Variants in PRKCE observed in about 807,000 individuals in gnomAD.
PRKCE encodes the protein protein kinase C epsilon type.
Under a neutral mutation model 85.4 loss-of-function variants are expected in PRKCE, and 16 were observed. That is an observed-to-expected ratio of 0.19 (90% CI 0.13 to 0.28). PRKCE has a LOEUF of 0.28. PRKCE is among the 10% of genes least tolerant of loss of function. PRKCE has a pLI of 1.00. For synonymous variants in PRKCE, 388 were observed against 371.5 expected (o/e 1.04, Z -0.51); for missense variants, 573 against 975.2 (o/e 0.59, Z 5.49).
chr2:45,694,744 C>G (rs190122263), intron 1 of PRKCE, among the ~76,000 whole-genome samples: 251 of 152,260 alleles, frequency 1.6e-3, no homozygotes, highest in African/African-American at 5.5e-3. Context: ...GGCCAATATG[C>G]TGGAAGCAAT....
intron 1 of PRKCE, among the ~76,000 whole-genome samples, chr2:45,835,568 ATGT>A (rs1690789997): frequency 6.7e-6 from 1 of 150,102 alleles, no homozygotes; most frequent in Non-Finnish European, 1.5e-5. Flanking sequence ...CATAGCATCC[ATGT>A]TGTTGCATGT....
chr2:46,145,294 C>T lies in PRKCE; in HGVS notation c.1731+63C>T. ...CCAGGACCGAGGCAGGGGTCCAAAC[C>T]CATGCACTGGGGTCATCTAGTGGTG... On this transcript the variant is annotated intron_variant, in intron 12 of 14. Coordinates refer to ENST00000306156, the MANE Select transcript of PRKCE (RefSeq NM_005400.3). The surrounding 1 kb of genome is among the most constrained non-coding windows in gnomAD (Gnocchi z 4.6). The T allele has an allele frequency of 6.3e-7, 1 of 1,580,800 alleles. No individual in the cohort carries two copies. Among genetic ancestry groups the T allele is most frequent in the Non-Finnish European group, 8.6e-7 (1 of 1,165,012 alleles).
intron 10 of PRKCE, among the ~76,000 whole-genome samples, chr2:46,043,389 G>A (rs910198691): frequency 1.9e-4 from 29 of 152,286 alleles, no homozygotes; most frequent in African/African-American, 6.5e-4. Context: ...AAGGGGAAGA[G>A]TCACACATAC....
At chr2:45,704,610 C>CCT (rs769511625) in intron 1 of PRKCE, among the ~76,000 whole-genome samples, 10 of 152,208 alleles carry the variant, frequency 6.6e-5, no homozygotes, top group Non-Finnish European at 1.2e-4. Context: ...CTGGGTCCCT[C>CCT]CTCTACCTCA....
intron 2 of PRKCE, among the ~76,000 whole-genome samples, chr2:45,958,197 A>C (rs1369192626): frequency 5.4e-5 from 8 of 149,124 alleles, no homozygotes; most frequent in Non-Finnish European, 7.4e-5. Context: ...CCGCAAAAAA[A>C]AAAAAAAAAA....
Position 46,086,896 on chromosome 2 carries a change from G to C in PRKCE, c.1592+534G>C, listed in dbSNP as rs866037750. 2.0e-4 allele frequency among the ~76,000 whole-genome samples: 30 copies of C among 152,226 alleles called. No individual in the cohort carries two copies. The Middle Eastern group carries it at 0.01, about 52-fold the overall frequency. ...ATCCAACAGGAAGTTACTTTTTGCA[G>C]ATCATCCAATCCTTTATTACTGCCC... On this transcript the variant is annotated intron_variant, in intron 11 of 14. Coordinates refer to ENST00000306156, the MANE Select transcript of PRKCE (RefSeq NM_005400.3).
intron 1 of PRKCE, among the ~76,000 whole-genome samples, chr2:45,779,949 A>G (rs1166279447): frequency 6.6e-6 from 1 of 152,216 alleles, no homozygotes; most frequent in Admixed American, 6.5e-5. Context: ...TTATCAATAC[A>G]TAATCAATTT....
intron 1 of PRKCE, among the ~76,000 whole-genome samples, chr2:45,802,788 T>G (rs998159443): frequency 6.6e-6 from 1 of 152,230 alleles, no homozygotes; most frequent in East Asian, 1.9e-4. Context: ...AACTTTACTG[T>G]GAATTAAGAT....
intron 1 of PRKCE, among the ~76,000 whole-genome samples, chr2:45,754,965 G>C (rs1683882752): frequency 6.6e-6 from 1 of 152,220 alleles, no homozygotes; most frequent in Non-Finnish European, 1.5e-5. Flanking sequence ...TCTACCTCTG[G>C]TTCGAGGTTG....
At chr2:46,153,681 C>G (rs537022789) in intron 13 of PRKCE, among the ~76,000 whole-genome samples, 2 of 152,014 alleles carry the variant, frequency 1.3e-5, no homozygotes, top group South Asian at 4.2e-4. Flanking sequence ...AGAGTGGGCA[C>G]GAGGAGGGTG....
chr2:45,825,388 G>C (rs1689862608), intron 1 of PRKCE, among the ~76,000 whole-genome samples: 1 of 152,354 alleles, frequency 6.6e-6, no homozygotes, highest in South Asian at 2.1e-4. Flanking sequence ...TAGCGGTGAG[G>C]GGTGGGACAC....
chr2:45,754,781 T>C (rs938661), intron 1 of PRKCE, among the ~76,000 whole-genome samples: 94,003 of 152,112 alleles, frequency 0.62, 29,445 homozygotes, highest in African/African-American at 0.71. Context: ...TGACGTGCAT[T>C]GGAAGGCAAA....
chr2:45,695,727 C>A (rs1028044964), intron 1 of PRKCE, among the ~76,000 whole-genome samples: 2 of 152,138 alleles, frequency 1.3e-5, no homozygotes, highest in African/African-American at 4.8e-5. Flanking sequence ...GCTGAGATCA[C>A]GCCACTGAAC....
intron 2 of PRKCE, among the ~76,000 whole-genome samples, chr2:45,909,175 G>C (rs1295274690): frequency 6.6e-6 from 1 of 152,030 alleles, no homozygotes; most frequent in Non-Finnish European, 1.5e-5. Context: ...CCTTCAATTC[G>C]CAGATTATAT....
intron 6 of PRKCE, among the ~76,000 whole-genome samples, chr2:45,995,324 CAG>C (rs1226389274): frequency 6.6e-6 from 1 of 151,808 alleles, no homozygotes; most frequent in African/African-American, 2.4e-5. Context: ...AGGTGGGGGA[CAG>C]AGCAAAAGTT....
At chr2:45,766,229 G>A (rs1684900201) in intron 1 of PRKCE, among the ~76,000 whole-genome samples, 1 of 152,148 alleles carries the variant, frequency 6.6e-6, no homozygotes. Flanking sequence ...AAATTTCAGG[G>A]CAAGATAATC....
chr2:45,802,472 G>A (rs970865559), intron 1 of PRKCE, among the ~76,000 whole-genome samples: 1 of 151,986 alleles, frequency 6.6e-6, no homozygotes, highest in Non-Finnish European at 1.5e-5. Flanking sequence ...TACTGTAATT[G>A]ATGTGAATGT....
intron 2 of PRKCE, among the ~76,000 whole-genome samples, chr2:45,864,392 T>C (rs565623124): frequency 1.3e-5 from 2 of 152,232 alleles, no homozygotes; most frequent in Admixed American, 6.5e-5. Flanking sequence ...ACCACCCTCA[T>C]GTAACCTTTC....
chr2:45,989,612 G>A (rs767568351), intron 6 of PRKCE, among the ~76,000 whole-genome samples: 3 of 150,824 alleles, frequency 2.0e-5, no homozygotes, highest in Non-Finnish European at 4.4e-5. Flanking sequence ...TGAAAGAAAG[G>A]CCTGCCTGTC....
Sources: gnomAD v4.1 joint callset for allele counts (sites outside exome capture counted in the v4.1 genomes callset) on GRCh38, gnomAD v4.1.1 for gene constraint, Gnocchi (gnomAD v3.1) non-coding constraint, MANE v1.5 for transcripts, NCBI Gene and HGNC (gene_info 2026-07-23, HGNC 2026-07-21) for gene names.